Variants in ITGA9 observed in about 807,000 individuals in gnomAD.
The protein encoded by ITGA9 is integrin alpha-9.
Under a neutral mutation model 127.8 loss-of-function variants are expected in ITGA9, and 56 were observed. The observed-to-expected ratio is 0.44, with a 90% CI of 0.35 to 0.55. The LOEUF (loss-of-function observed/expected upper bound fraction) is 0.55. Among genes scored for constraint, ITGA9 ranks in the 20% least tolerant of loss-of-function variants. The pLI, the probability that ITGA9 is intolerant of heterozygous loss-of-function variation, is 0.00. For missense variants in ITGA9, 1,196 were observed against 1,347.1 expected, an observed-to-expected ratio of 0.89 and a Z score of 1.76; for synonymous variants, 508 against 514.5, an observed-to-expected ratio of 0.99 and a Z score of 0.17.
chr3:37,751,482 A>G (rs991564631), intron 23 of ITGA9, among the ~76,000 whole-genome samples: 1 of 152,176 alleles, frequency 6.6e-6, no homozygotes, highest in African/African-American at 2.4e-5. Context: ...TCACGTGAAC[A>G]TCTACAGTGT....
chr3:37,739,775 C>T (rs1017100273), intron 20 of ITGA9, among the ~76,000 whole-genome samples: 1 of 151,904 alleles, frequency 6.6e-6, no homozygotes, highest in Admixed American at 6.6e-5. Flanking sequence ...GGGCCTGAGC[C>T]GGCCAAACAA....
intron 18 of ITGA9, 102 bp from the exon 19 acceptor site, chr3:37,732,610 C>T (rs1333910770): frequency 8.2e-6 from 7 of 850,562 alleles, no homozygotes; most frequent in Admixed American, 2.0e-5. Flanking sequence ...TGGTGCCTAC[C>T]GTCTGAGCAC....
chr3:37,556,069 T>C (rs1236274993), intron 15 of ITGA9, among the ~76,000 whole-genome samples: 2 of 152,324 alleles, frequency 1.3e-5, no homozygotes, highest in South Asian at 4.1e-4. Context: ...GTGGAAAGAT[T>C]CCCTTTCAAC....
At chr3:37,790,212 G>A (rs956174194) in intron 26 of ITGA9, 5 of 562,870 alleles carry the variant, frequency 8.9e-6, no homozygotes, top group Admixed American at 3.8e-5. Context: ...TTACCTGCGC[G>A]GAAGACACAA....
At chr3:37,729,677 G>A (rs893762517) in intron 18 of ITGA9, among the ~76,000 whole-genome samples, 5 of 150,292 alleles carry the variant, frequency 3.3e-5, no homozygotes, top group African/African-American at 4.9e-5. Context: ...AGAAGTCTTT[G>A]GGGCAATAAA....
chr3:37,640,932 C>G (rs535038195), intron 16 of ITGA9, among the ~76,000 whole-genome samples: 1 of 152,308 alleles, frequency 6.6e-6, no homozygotes, highest in South Asian at 2.1e-4. Flanking sequence ...CTGCTGTTCC[C>G]TTCCTGGGAA....
intron 17 of ITGA9, among the ~76,000 whole-genome samples, chr3:37,656,821 G>A (rs184319494): frequency 0.021 from 3,014 of 143,048 alleles, 48 homozygotes; most frequent in Middle Eastern, 0.056. Flanking sequence ...GATATTGGCT[G>A]TGGGTTTGTC....
In ITGA9 at chr3:37,508,620, G is replaced by A; in HGVS notation, c.890G>A (p.Gly297Asp). 1 of 1,612,672 alleles carries A rather than the reference G, an allele frequency of 6.2e-7. No individual in the cohort carries two copies. The highest frequency in any genetic ancestry group is 8.5e-7 in the Non-Finnish European group (1 of 1,178,784). Reference protein sequence around the residue: ...GTLIKIFQASGKKMGSYFGSS... With the variant: ...GTLIKIFQASDKKMGSYFGSS... Reference sequence around the variant, plus strand: ...TTAATTAAGATCTTTCAAGCATCAGGTAAAAAGGTGAGGTTCTTGGTATAA... The same window carrying A: ...TTAATTAAGATCTTTCAAGCATCAGATAAAAAGGTGAGGTTCTTGGTATAA... Residue 297 changes from glycine (G) to aspartate (D), a missense_variant, in exon 8 of 28, where the codon GGT becomes GAT. Transcript: ENST00000264741.
intron 22 of ITGA9, chr3:37,745,728 G>C (rs1032804434): frequency 1.3e-5 from 2 of 151,256 alleles, no homozygotes; most frequent in African/African-American, 4.9e-5. Flanking sequence ...AAAGAAATCT[G>C]AGGGTATGCA....
chr3:37,723,363 T>TTTA (rs753926363), intron 18 of ITGA9, among the ~76,000 whole-genome samples: 8 of 151,878 alleles, frequency 5.3e-5, no homozygotes, highest in Non-Finnish European at 7.4e-5. Context: ...TATTATTATT[T>TTTA]TTATTATTAT....
intron 17 of ITGA9, among the ~76,000 whole-genome samples, chr3:37,654,708 T>C (rs751423429): frequency 1.1e-4 from 17 of 152,216 alleles, no homozygotes; most frequent in Non-Finnish European, 2.2e-4. Context: ...TTTTTTATTG[T>C]TATACTTTAA....
intron 15 of ITGA9, among the ~76,000 whole-genome samples, chr3:37,613,543 A>T (rs1425886557): frequency 6.6e-6 from 1 of 152,186 alleles, no homozygotes; most frequent in Non-Finnish European, 1.5e-5. Flanking sequence ...CACCACACTG[A>T]CTTCCACAAT....
rs112892651 is a variant in ITGA9 at position 37,510,532 on chromosome 3, GT to G, written c.897+1910del. 2.4e-3 allele frequency among the ~76,000 whole-genome samples: 366 copies of G among 152,236 alleles called. 3 individuals are homozygous for G. Among genetic ancestry groups the G allele is most frequent in the African/African-American group, 8.1e-3 (335 of 41,542 alleles). On this transcript the variant is annotated intron_variant, in intron 8 of 27. Coordinates refer to ENST00000264741, the MANE Select transcript of ITGA9 (RefSeq NM_002207.3). ...GAGAACCTATGCTCAAGTTGATCAG[GT>G]TTTTGGGGGTAGATCTGAGAGTGGG...
At chr3:37,564,054 G>A (rs373850094) in intron 15 of ITGA9, among the ~76,000 whole-genome samples, 1 of 152,174 alleles carries the variant, frequency 6.6e-6, no homozygotes, top group Non-Finnish European at 1.5e-5. Flanking sequence ...TGAATTTAAC[G>A]CAGGCTTTTT....
At chr3:37,550,847 A>T (rs1699371222) in intron 15 of ITGA9, among the ~76,000 whole-genome samples, 2 of 152,168 alleles carry the variant, frequency 1.3e-5, no homozygotes, top group African/African-American at 4.8e-5. Context: ...CACACAACTG[A>T]ATATGTTGAG....
At chr3:37,454,413 G>A (rs1044558958) in intron 1 of ITGA9, among the ~76,000 whole-genome samples, 8 of 152,258 alleles carry the variant, frequency 5.3e-5, no homozygotes, top group Admixed American at 6.5e-5. Flanking sequence ...GCCAGTGTGG[G>A]AAAAGACAGT....
At chr3:37,739,318 A>G (rs13321209) in intron 20 of ITGA9, among the ~76,000 whole-genome samples, 37,195 of 152,112 alleles carry the variant, frequency 0.24, 4,876 homozygotes, top group Middle Eastern at 0.34. Flanking sequence ...TTAAATCACA[A>G]ATGTTAAGAT....
chr3:37,550,250 A>T (rs957045975), intron 15 of ITGA9, among the ~76,000 whole-genome samples: 1 of 152,218 alleles, frequency 6.6e-6, no homozygotes, highest in East Asian at 1.9e-4. Flanking sequence ...AGTACTTATT[A>T]TATGCCAGAT....
chr3:37,709,090 A>G (rs1701047781), intron 18 of ITGA9, among the ~76,000 whole-genome samples: 1 of 152,148 alleles, frequency 6.6e-6, no homozygotes, highest in African/African-American at 2.4e-5. Flanking sequence ...CAGATGCCTA[A>G]GTTTTCTTAT....
Sources: gnomAD v4.1 joint callset for allele counts (sites outside exome capture counted in the v4.1 genomes callset) on GRCh38, gnomAD v4.1.1 for gene constraint, MANE v1.5 for transcripts, NCBI Gene and HGNC (gene_info 2026-07-23, HGNC 2026-07-21) for gene names.